The following ZNF366 variants were observed in gnomAD, a reference collection of about 807,000 sequenced individuals.
ZNF366 encodes dendritic cell-specific transcript protein.
A neutral mutation model predicts 47.2 loss-of-function variants in ZNF366; 20 were observed. The ratio of observed to expected loss-of-function variants is 0.42; its 90% CI spans 0.30 to 0.62. The LOEUF (loss-of-function observed/expected upper bound fraction) is 0.62. ZNF366 is among the 20% of genes least tolerant of loss of function. ZNF366 has a pLI of 0.16. For missense variants in ZNF366, 987 were observed against 976.3 expected (o/e 1.01, Z -0.15); for synonymous variants, 421 against 395.1 (o/e 1.07, Z -0.78).
At chr5:72,484,298 A>G (rs1166990164) in intron 1 of ZNF366, among the ~76,000 whole-genome samples, 1 of 151,308 alleles carries the variant, frequency 6.6e-6, no homozygotes, top group Non-Finnish European at 1.5e-5. Flanking sequence ...TCCCGGCTAA[A>G]ACGGTGAAAC....
intron 1 of ZNF366, among the ~76,000 whole-genome samples, chr5:72,476,936 T>C (rs1743686462): frequency 6.7e-6 from 1 of 149,966 alleles, no homozygotes; most frequent in Non-Finnish European, 1.5e-5. Context: ...GCTGTGGGAT[T>C]TTTTTTTTTC....
rs148150790 is a variant in ZNF366, at chr5:72,456,224, C to T, written c.1524+180G>A. Among the ~76,000 whole-genome samples, 586 of 152,288 alleles carry T rather than the reference C, an allele frequency of 3.8e-3. 5 individuals are homozygous for T. Among genetic ancestry groups the T allele is most frequent in the African/African-American group, 0.012 (503 of 41,538 alleles). The stretch of plus-strand genomic sequence containing the variant: ...GGCTCCTTAGGGACCTCCAGCCTGG[C>T]ATGATGTAAGTGGGGCGTGCAGAGA... On this transcript the variant is annotated intron_variant, in intron 3 of 4. Transcript: ENST00000318442.
chr5:72,503,088 G>A (rs1744242236), intron 1 of ZNF366, among the ~76,000 whole-genome samples: 2 of 152,090 alleles, frequency 1.3e-5, no homozygotes, highest in African/African-American at 2.4e-5. Flanking sequence ...TTGTGCCACT[G>A]TACTCTAGCC....
chr5:72,447,921 T>C (rs1326319920), intron 3 of ZNF366, among the ~76,000 whole-genome samples: 2 of 152,154 alleles, frequency 1.3e-5, no homozygotes, highest in East Asian at 1.9e-4. Context: ...GGCCGAGGCA[T>C]ACAAGTGGTG....
chr5:72,484,493 A>AT (rs1196624178), intron 1 of ZNF366, among the ~76,000 whole-genome samples: 10 of 149,714 alleles, frequency 6.7e-5, no homozygotes, highest in African/African-American at 2.5e-4. Context: ...CAAAAAAAAA[A>AT]AAAATAATAA....
rs1434359085 is a variant in ZNF366, at chr5:72,461,041, C to T, written c.456G>A (p.Gln152=). 6.2e-7 allele frequency: 1 copy of T among 1,614,148 alleles called. No homozygotes were observed. Among genetic ancestry groups the T allele is most frequent in the Admixed American group, 1.7e-5 (1 of 60,024 alleles). Residue 152 remains glutamine, a synonymous_variant, in exon 2 of 5, where the codon CAG becomes CAA. Transcript: ENST00000318442. ...ACACGGCGCTGGGCTTAATGGGTTC[C>T]TGCTTGACGGGCTTGCCCCCAAAGT... The part of the protein sequence containing the change: ...LEHFGGKPVK[Q]EPIKPSAVWP...
Position 72,460,592 on chromosome 5 carries a change from G to A in ZNF366, c.905C>T (p.Thr302Ile). 6.2e-7 allele frequency: 1 copy of A among 1,614,154 alleles called. No homozygotes were observed. The highest frequency in any genetic ancestry group is 8.5e-7 in the Non-Finnish European group (1 of 1,180,042). The change falls in exon 2 of 5, where the codon ACC becomes ATC. Residue 302 changes from threonine to isoleucine, a missense_variant. By Grantham distance (89) the Thr-to-Ile change is moderately conservative (BLOSUM62 -1). Transcript: ENST00000318442. ...CTTGTGGGGCCGCGTGCCCTGGTGG[G>A]TCAGCATGTGGGTATGCAGGTGGCT... ...QLSHLHTHML[T>I]HQGTRPHKCQ...
In ZNF366 at chr5:72,444,122, A is replaced by T. The variant is rs1398220273; in HGVS notation, c.1869T>A (p.Asp623Glu). 1 of 1,613,970 alleles carries T rather than the reference A, an allele frequency of 6.2e-7. No homozygotes were observed. Among genetic ancestry groups the T allele is most frequent in the Non-Finnish European group, 8.5e-7 (1 of 1,180,012 alleles). Reference protein sequence around the residue: ...GSHCHEEEEEDNCYEVEPYSP... With the variant: ...GSHCHEEEEEENCYEVEPYSP... ...TGTAGGGCTCCACCTCGTAGCAGTT[A>T]TCCTCCTCTTCCTCCTCGTGGCAGT... The change falls in exon 5 of 5, where the codon GAT (aspartate) becomes GAA (glutamate). Residue 623 changes from aspartate to glutamate, a missense_variant. Physicochemically the swap from Asp to Glu is conservative, Grantham distance 45. This residue lies in a region of ZNF366 where 285 missense variants were observed against 234.8 expected (regional missense o/e 1.21). Coordinates refer to ENST00000318442, the MANE Select transcript of ZNF366 (RefSeq NM_152625.3).
chr5:72,471,101 T>A (rs1348823624), intron 1 of ZNF366, among the ~76,000 whole-genome samples: 1 of 152,140 alleles, frequency 6.6e-6, no homozygotes, highest in African/African-American at 2.4e-5. Context: ...CCACCATGAT[T>A]TCCCTCACTG....
chr5:72,482,199 A>G (rs955035190), intron 1 of ZNF366, among the ~76,000 whole-genome samples: 2 of 152,232 alleles, frequency 1.3e-5, no homozygotes, highest in Non-Finnish European at 2.9e-5. Flanking sequence ...AAGTAGAGAC[A>G]AAACAGTCTT....
chr5:72,491,503 G>C (rs1259022875), intron 1 of ZNF366, among the ~76,000 whole-genome samples: 8 of 152,168 alleles, frequency 5.3e-5, no homozygotes, highest in Non-Finnish European at 8.8e-5. Context: ...GGCACCCCCG[G>C]GTTTGAATTC....
intron 1 of ZNF366, among the ~76,000 whole-genome samples, chr5:72,469,595 C>T (rs1377105695): frequency 6.6e-6 from 1 of 152,044 alleles, no homozygotes; most frequent in Non-Finnish European, 1.5e-5. Context: ...TTTTAAATAT[C>T]GTAGATACCA....
At chr5:72,495,711 T>A (rs1183259555) in intron 1 of ZNF366, among the ~76,000 whole-genome samples, 1 of 152,174 alleles carries the variant, frequency 6.6e-6, no homozygotes, top group Admixed American at 6.5e-5. Flanking sequence ...TCTCAGAGCA[T>A]GGTACTTAAA....
intron 4 of ZNF366, among the ~76,000 whole-genome samples, chr5:72,445,400 A>G (rs1472494955): frequency 2.6e-5 from 4 of 152,062 alleles, no homozygotes; most frequent in Non-Finnish European, 5.9e-5. Flanking sequence ...GATGATGTCC[A>G]ATTTTGTTCA....
At chr5:72,474,665 C>G (rs148634916) in intron 1 of ZNF366, among the ~76,000 whole-genome samples, 2,421 of 152,174 alleles carry the variant, frequency 0.016, 28 homozygotes, top group Middle Eastern at 0.024. Context: ...CACACACACA[C>G]ACACACACAC....
chr5:72,488,639 T>C (rs940940692), intron 1 of ZNF366, among the ~76,000 whole-genome samples: 13 of 152,316 alleles, frequency 8.5e-5, no homozygotes, highest in African/African-American at 2.9e-4. Flanking sequence ...TAAAACGAAA[T>C]AATAGCTGAG....
intron 2 of ZNF366, 72 bp downstream of exon 2, chr5:72,460,093 C>T: frequency 6.5e-7 from 1 of 1,547,734 alleles, no homozygotes; most frequent in Non-Finnish European, 8.7e-7. Context: ...GCGTCCTGCT[C>T]CCCAGTGCTC....
chr5:72,453,692 G>A (rs1203275142), intron 3 of ZNF366, among the ~76,000 whole-genome samples: 2 of 152,212 alleles, frequency 1.3e-5, no homozygotes, highest in Non-Finnish European at 2.9e-5. Flanking sequence ...AAATGAAGAA[G>A]GGCAATGGTA....
intron 3 of ZNF366, among the ~76,000 whole-genome samples, chr5:72,451,303 C>T (rs930231609): frequency 6.6e-6 from 1 of 152,152 alleles, no homozygotes; most frequent in Admixed American, 6.5e-5. Flanking sequence ...TCCATCCACC[C>T]GCTTTTTAAG....
Sources: allele counts gnomAD v4.1 joint callset (sites outside exome capture counted in the v4.1 genomes callset), GRCh38; gene constraint gnomAD v4.1.1; regional missense constraint gnomAD v4.1.1; transcripts MANE v1.5; gene names NCBI Gene and HGNC (gene_info 2026-07-23, HGNC 2026-07-21).